NRG3: variants seen among roughly 807,000 people sequenced by gnomAD.
NRG3 encodes pro-neuregulin-3, membrane-bound isoform.
A neutral mutation model predicts 66.9 loss-of-function variants in NRG3; 31 were observed. The observed-to-expected ratio is 0.46, with a 90% CI of 0.35 to 0.63. The LOEUF (loss-of-function observed/expected upper bound fraction) is 0.63. Ranked by LOEUF, NRG3 falls within the 20% of genes least tolerant of loss-of-function variation. The pLI is 0.00. For synonymous variants in NRG3, 393 were observed against 359.4 expected (o/e 1.09, Z -1.06); for missense variants, 910 against 878.9 (o/e 1.04, Z -0.45).
At chr10:82,894,535 G>A (rs560558263) in intron 4 of NRG3, among the ~76,000 whole-genome samples, 3 of 142,330 alleles carry the variant, frequency 2.1e-5, no homozygotes, top group East Asian at 2.1e-4. Context: ...AGGTTAATAT[G>A]TCATTTTTCC....
chr10:81,925,144 C>A (rs1457916939), intron 1 of NRG3, among the ~76,000 whole-genome samples: 1 of 152,178 alleles, frequency 6.6e-6, no homozygotes, highest in East Asian at 1.9e-4. Context: ...ACCAATTATA[C>A]TGGCAGACAT....
intron 2 of NRG3, among the ~76,000 whole-genome samples, chr10:82,401,979 T>G (rs2087135540): frequency 6.6e-6 from 1 of 152,136 alleles, no homozygotes; most frequent in Non-Finnish European, 1.5e-5. Flanking sequence ...ATAAAATTAG[T>G]ATAAAATCCA....
At chr10:82,389,452 G>A (rs1016748492) in intron 2 of NRG3, among the ~76,000 whole-genome samples, 2 of 152,094 alleles carry the variant, frequency 1.3e-5, no homozygotes, top group East Asian at 3.9e-4. Context: ...ATATCTTTAT[G>A]CATTACTCTC....
chr10:82,208,048 C>T (rs1256324970), intron 1 of NRG3, among the ~76,000 whole-genome samples: 3 of 152,032 alleles, frequency 2.0e-5, no homozygotes, highest in Non-Finnish European at 4.4e-5. Context: ...TCTCATTTGA[C>T]CTAAATTATC....
At chr10:82,708,152 C>T (rs1451106277) in intron 2 of NRG3, among the ~76,000 whole-genome samples, 1 of 152,012 alleles carries the variant, frequency 6.6e-6, no homozygotes, top group Non-Finnish European at 1.5e-5. Flanking sequence ...AAATATTGCT[C>T]ATCTGCTATT....
intron 2 of NRG3, among the ~76,000 whole-genome samples, chr10:82,672,079 G>A (rs1035876014): frequency 9.9e-5 from 15 of 152,112 alleles, no homozygotes; most frequent in African/African-American, 2.4e-4. Flanking sequence ...CTTCTCTGGC[G>A]TGTAAGTTGT....
intron 2 of NRG3, among the ~76,000 whole-genome samples, chr10:82,541,943 A>G (rs944947415): frequency 2.6e-5 from 4 of 152,160 alleles, no homozygotes; most frequent in Non-Finnish European, 5.9e-5. Context: ...TCTGGGATGC[A>G]TGTGCTGAGC....
At chr10:82,958,610 C>T in intron 5 of NRG3, among the ~76,000 whole-genome samples, 1 of 152,130 alleles carries the variant, frequency 6.6e-6, no homozygotes, top group South Asian at 2.1e-4. Flanking sequence ...AATTGTTTTC[C>T]TCTAGTCACT....
chr10:81,924,427 C>T (rs557582194), intron 1 of NRG3, among the ~76,000 whole-genome samples: 1 of 152,354 alleles, frequency 6.6e-6, no homozygotes, highest in African/African-American at 2.4e-5. Context: ...ATTTGCTAGA[C>T]TGGGCTTTTC....
At position 82,763,318 on chromosome 10, in the gene NRG3, A is replaced by G. The variant is rs368803818; in HGVS notation, c.1027+24668A>G. On this transcript the variant is annotated intron_variant, in intron 3 of 8. Transcript: ENST00000372141. Reference sequence around the variant, plus strand: ...AATTCATGTAACCATCCTGAAATGCAGAAAGTATTAAAGAAATATCCATTT... The same window carrying G: ...AATTCATGTAACCATCCTGAAATGCGGAAAGTATTAAAGAAATATCCATTT... Among the ~76,000 whole-genome samples the G allele has an allele frequency of 4.6e-5, 7 of 152,336 alleles. 1 individual carries two copies. Among genetic ancestry groups the G allele is most frequent in the Admixed American group, 2.0e-4 (3 of 15,292 alleles).
intron 1 of NRG3, among the ~76,000 whole-genome samples, chr10:81,939,417 G>T (rs1848202248): frequency 6.6e-6 from 1 of 151,872 alleles, no homozygotes; most frequent in Non-Finnish European, 1.5e-5. Flanking sequence ...TTGTTGTTAG[G>T]AGATTTTTTT....
At chr10:82,436,359 C>T (rs558915897) in intron 2 of NRG3, among the ~76,000 whole-genome samples, 1 of 152,176 alleles carries the variant, frequency 6.6e-6, no homozygotes, top group Admixed American at 6.5e-5. Context: ...ATTGCAACTC[C>T]TGCTTTTTTT....
At chr10:82,203,124 G>A (rs1159136390) in intron 1 of NRG3, among the ~76,000 whole-genome samples, 1 of 152,194 alleles carries the variant, frequency 6.6e-6, no homozygotes, top group Non-Finnish European at 1.5e-5. Flanking sequence ...TGTGAGTCAT[G>A]TGTAGGACGG....
chr10:82,328,680 T>C (rs2081989669), intron 1 of NRG3, among the ~76,000 whole-genome samples: 1 of 152,194 alleles, frequency 6.6e-6, no homozygotes, highest in Non-Finnish European at 1.5e-5. Context: ...TTCAAGATGC[T>C]GGGCCATTTC....
At chr10:82,296,438 G>A (rs542607544) in intron 1 of NRG3, among the ~76,000 whole-genome samples, 42 of 152,224 alleles carry the variant, frequency 2.8e-4, no homozygotes, top group Non-Finnish European at 5.3e-4. Flanking sequence ...AGATATTCAC[G>A]GCTAAGATGA....
chr10:82,882,988 A>C (rs1842431807), intron 4 of NRG3, among the ~76,000 whole-genome samples: 2 of 152,196 alleles, frequency 1.3e-5, no homozygotes, highest in South Asian at 4.1e-4. Flanking sequence ...CTCTCACAGG[A>C]ATGTGGTTAG....
At chr10:82,316,272 G>A (rs983338456) in intron 1 of NRG3, among the ~76,000 whole-genome samples, 7 of 152,154 alleles carry the variant, frequency 4.6e-5, no homozygotes, top group African/African-American at 1.7e-4. Flanking sequence ...TAAGATTATA[G>A]CAATCAATGT....
intron 1 of NRG3, among the ~76,000 whole-genome samples, chr10:82,025,882 C>T (rs1165010829): frequency 6.6e-6 from 1 of 151,956 alleles, no homozygotes; most frequent in Non-Finnish European, 1.5e-5. Flanking sequence ...GATTATATAG[C>T]ACCCTTGAAA....
intron 1 of NRG3, among the ~76,000 whole-genome samples, chr10:82,279,605 T>C (rs2134421664): frequency 6.6e-6 from 1 of 152,302 alleles, no homozygotes; most frequent in African/African-American, 2.4e-5. Context: ...TTAATGCACT[T>C]AGGGATGTGT....
Sources: allele counts gnomAD v4.1 joint callset (sites outside exome capture counted in the v4.1 genomes callset), GRCh38; gene constraint gnomAD v4.1.1; transcripts MANE v1.5; gene names NCBI Gene and HGNC (gene_info 2026-07-23, HGNC 2026-07-21).